The following COG5 variants were observed in gnomAD, a reference collection of about 807,000 sequenced individuals.
COG5 encodes the protein conserved oligomeric Golgi complex subunit 5.
Under a neutral mutation model 110.4 loss-of-function variants are expected in COG5, and 86 were observed. The ratio of observed to expected loss-of-function variants is 0.78; its 90% CI spans 0.65 to 0.93. The LOEUF is 0.93. Ranked by LOEUF, COG5 falls within the 40% of genes least tolerant of loss-of-function variation. The probability of loss-of-function intolerance (pLI) is 0.00; values close to 1 mark genes in which losing one functional copy is unlikely to be tolerated. For missense variants in COG5, 1,077 were observed against 987.0 expected, an observed-to-expected ratio of 1.09 and a Z score of -1.22; for synonymous variants, 360 against 334.6, an observed-to-expected ratio of 1.08 and a Z score of -0.83.
rs189298805 is a variant in COG5 at position 107,515,204 on chromosome 7, A to T, written c.538+12033T>A. ...TCCTCCTTTAATCTCTATTTGTAGG[A>T]TAAGTCAAAAATAGATTAGATAATA... On this transcript the variant is annotated intron_variant, in intron 6 of 21. Coordinates refer to ENST00000297135, the MANE Select transcript of COG5 (RefSeq NM_006348.5). 1.3e-3 allele frequency among the ~76,000 whole-genome samples: 192 copies of T among 152,282 alleles called. 1 individual carries two copies. The highest frequency in any genetic ancestry group is 4.3e-3 in the South Asian group (21 of 4,830).
chr7:107,301,056 A>G (rs1807221824), intron 11 of COG5, among the ~76,000 whole-genome samples: 1 of 152,210 alleles, frequency 6.6e-6, no homozygotes, highest in Admixed American at 6.5e-5. Context: ...GACACAGGGT[A>G]GAGTTCAACA....
chr7:107,538,396 T>C (rs1472403517), intron 5 of COG5, among the ~76,000 whole-genome samples: 1 of 152,118 alleles, frequency 6.6e-6, no homozygotes, highest in Non-Finnish European at 1.5e-5. Context: ...CTCAACTGCA[T>C]TTCACAATAA....
chr7:107,445,630 T>C (rs1319878531), intron 6 of COG5, among the ~76,000 whole-genome samples: 2 of 152,198 alleles, frequency 1.3e-5, no homozygotes, highest in Non-Finnish European at 2.9e-5. Flanking sequence ...TCTTACAAAT[T>C]GTTCTATTTC....
chr7:107,344,239 G>T (rs6949634), intron 10 of COG5, among the ~76,000 whole-genome samples: 30,616 of 152,132 alleles, frequency 0.2, 3,455 homozygotes, highest in East Asian at 0.33. Flanking sequence ...ATTTTAGCTA[G>T]ATCTTCTCAA....
At chr7:107,285,416 A>G (rs1349561686) in intron 12 of COG5, among the ~76,000 whole-genome samples, 1 of 152,178 alleles carries the variant, frequency 6.6e-6, no homozygotes. Context: ...CGTTCTCCAA[A>G]TCTACCGTTA....
intron 6 of COG5, among the ~76,000 whole-genome samples, chr7:107,446,996 A>T (rs572598881): frequency 7.2e-5 from 11 of 152,298 alleles, no homozygotes; most frequent in African/African-American, 2.2e-4. Context: ...GCAAACCTGA[A>T]ATCAAGGTAT....
At position 107,475,718 on chromosome 7, in the gene COG5, A is replaced by G. The variant is rs1796935744; in HGVS notation, c.538+51519T>C. Reference sequence around the variant, plus strand: ...TCCTTGCTTTATTTTTTAAGTTAAAATGCATTGTTTCTAAGCCACAAACTA... The same window carrying G: ...TCCTTGCTTTATTTTTTAAGTTAAAGTGCATTGTTTCTAAGCCACAAACTA... On this transcript the variant is annotated intron_variant, in intron 6 of 21. Transcript: ENST00000297135. The G allele has an allele frequency of 1.7e-5, 3 of 177,864 alleles. No homozygotes were observed. The East Asian group carries it at 5.3e-4, about 32-fold the overall frequency. 11.0% of individuals were successfully genotyped at this position (177,864 alleles called of 1,614,324 possible). A position where few individuals can be genotyped will look rare whatever the true frequency, so the allele number is the denominator to read the frequency against.
intron 10 of COG5, among the ~76,000 whole-genome samples, chr7:107,348,904 C>G (rs1811878675): frequency 6.6e-6 from 1 of 151,626 alleles, no homozygotes; most frequent in Non-Finnish European, 1.5e-5. Flanking sequence ...CTTTGTTGCC[C>G]AAGCTGGAGT....
In COG5 at chr7:107,419,163, G is replaced by A. The variant is rs1048090919; in HGVS notation, c.539-6531C>T. 2.0e-5 allele frequency among the ~76,000 whole-genome samples: 3 copies of A among 152,260 alleles called. No homozygotes were observed. The East Asian group carries it at 5.8e-4, about 29-fold the overall frequency. On this transcript the variant is annotated intron_variant, in intron 6 of 21. Transcript: ENST00000297135. ...AAGGTGTAATATAATTGAAAACACA[G>A]TAAAATAAAATTATAAGGCAAAAAT...
At chr7:107,494,104 A>G (rs529821541) in intron 6 of COG5, among the ~76,000 whole-genome samples, 59 of 152,276 alleles carry the variant, frequency 3.9e-4, no homozygotes, top group Non-Finnish European at 3.1e-4. Context: ...TATACATAAA[A>G]TTTAAGTTTA....
At chr7:107,487,002 A>G (rs1449763639) in intron 6 of COG5, among the ~76,000 whole-genome samples, 1 of 152,234 alleles carries the variant, frequency 6.6e-6, no homozygotes, top group Non-Finnish European at 1.5e-5. Flanking sequence ...AATCATAAAA[A>G]TATCCAAGAA....
chr7:107,560,447 T>C (rs928289477), intron 1 of COG5, among the ~76,000 whole-genome samples: 2 of 152,278 alleles, frequency 1.3e-5, no homozygotes, highest in East Asian at 1.9e-4. Context: ...GGTGATTAGG[T>C]AGAACAAACA....
intron 10 of COG5, among the ~76,000 whole-genome samples, chr7:107,354,577 G>A (rs1309386896): frequency 1.3e-5 from 2 of 151,894 alleles, no homozygotes; most frequent in African/African-American, 2.4e-5. Context: ...TCAGGAAGCT[G>A]AGGCAGGAGA....
intron 12 of COG5, among the ~76,000 whole-genome samples, chr7:107,288,077 G>A (rs1249210880): frequency 6.6e-6 from 1 of 152,174 alleles, no homozygotes; most frequent in African/African-American, 2.4e-5. Flanking sequence ...TTAATAGTTT[G>A]AAGAGGCCGC....
chr7:107,490,092 A>G (rs191431524), intron 6 of COG5, among the ~76,000 whole-genome samples: 31 of 152,318 alleles, frequency 2.0e-4, no homozygotes, highest in Non-Finnish European at 3.2e-4. Context: ...AAAGGAATAA[A>G]TTATTTTTAA....
intron 19 of COG5, among the ~76,000 whole-genome samples, chr7:107,230,083 T>G (rs944154403): frequency 6.6e-6 from 1 of 152,110 alleles, no homozygotes; most frequent in African/African-American, 2.4e-5. Flanking sequence ...TCTCCTGACC[T>G]CAGATGATCC....
At chr7:107,448,916 A>G (rs1040661440) in intron 6 of COG5, among the ~76,000 whole-genome samples, 2 of 152,164 alleles carry the variant, frequency 1.3e-5, no homozygotes, top group African/African-American at 4.8e-5. Flanking sequence ...CTATTTTATT[A>G]CTACCATAAA....
chr7:107,273,757 G>A (rs1054261666), intron 14 of COG5, among the ~76,000 whole-genome samples: 2 of 151,998 alleles, frequency 1.3e-5, no homozygotes, highest in Non-Finnish European at 2.9e-5. Context: ...TCTAGGGTGG[G>A]TGTGGAGGAT....
chr7:107,504,562 A>G (rs1032969302), intron 6 of COG5, among the ~76,000 whole-genome samples: 3 of 152,212 alleles, frequency 2.0e-5, no homozygotes, highest in African/African-American at 7.2e-5. Flanking sequence ...CAATAGTTGC[A>G]GTAAGATTGA....
Sources: allele counts gnomAD v4.1 joint callset (sites outside exome capture counted in the v4.1 genomes callset), GRCh38; gene constraint gnomAD v4.1.1; transcripts MANE v1.5; gene names NCBI Gene and HGNC (gene_info 2026-07-23, HGNC 2026-07-21).